The following AGRN variants were observed in gnomAD, a reference collection of about 807,000 sequenced individuals.
AGRN encodes agrin proteoglycan.
Under a neutral mutation model 211.0 loss-of-function variants are expected in AGRN, and 106 were observed. The observed-to-expected ratio is 0.50, with a 90% CI of 0.43 to 0.59. AGRN has a LOEUF of 0.59. Among genes scored for constraint, AGRN ranks in the 20% least tolerant of loss-of-function variants. AGRN has a pLI of 0.00. For synonymous variants in AGRN, 1,525 were observed against 1,332.5 expected (o/e 1.14, Z -3.15); for missense variants, 3,040 against 2,982.6 (o/e 1.02, Z -0.45).
chr1:1,040,423 TGGG>T (rs563976912), intron 3 of AGRN, among the ~76,000 whole-genome samples: 1 of 151,444 alleles, frequency 6.6e-6, no homozygotes, highest in South Asian at 2.1e-4. Context: ...AGGTGCGGGG[TGGG>T]GGAGAAAGGT....
At chr1:1,022,853 C>T (rs1252845623) in intron 2 of AGRN, among the ~76,000 whole-genome samples, 1 of 152,254 alleles carries the variant, frequency 6.6e-6, no homozygotes, top group Non-Finnish European at 1.5e-5. Flanking sequence ...GCGTGTCGAG[C>T]ACTCCTCGCC....
At chr1:1,021,932 G>A (rs1236457044) in intron 1 of AGRN, among the ~76,000 whole-genome samples, 4 of 152,244 alleles carry the variant, frequency 2.6e-5, no homozygotes, top group Non-Finnish European at 5.9e-5. Flanking sequence ...TGATAGGGAC[G>A]TTATTGGAGC....
At chr1:1,050,928 G>A (rs1645267049) in intron 30 of AGRN, 91 bp downstream of exon 30, 2 of 1,536,884 alleles carry the variant, frequency 1.3e-6, no homozygotes, top group Admixed American at 2.0e-5. Context: ...TCACGGAGCT[G>A]TTTTTCTGTC....
chr1:1,048,264 C>G lies in AGRN; in HGVS notation c.4004C>G (p.Ser1335Ter). 2 of 1,535,738 alleles carry G rather than the reference C, an allele frequency of 1.3e-6. No homozygotes were observed. Among genetic ancestry groups the G allele is most frequent in the Non-Finnish European group, 1.8e-6 (2 of 1,137,842 alleles). The change falls in exon 23 of 36, where the codon TCA becomes TGA. Residue 1335 changes from serine (S) to a stop codon, truncating the protein, a stop_gained. Transcript: ENST00000379370. LOFTEE classifies it high-confidence loss of function. The surrounding 1 kb of genome is among the most constrained non-coding windows in gnomAD (Gnocchi z 5.9). ...CAGCAGCCTCCAAAGCCCTGTGACT[C>G]ACAGCCCTGCTTCCACGGGGGGACC... ...APQQPPKPCD[S>*]QPCFHGGTCQ...
chr1:1,051,660 G>A lies in AGRN; in HGVS notation c.5563+15G>A, dbSNP rs1645295776. 5.0e-6 allele frequency: 8 copies of A among 1,612,674 alleles called. No homozygotes were observed. The East Asian group carries it at 8.9e-5, about 18-fold the overall frequency. On this transcript the variant is annotated intron_variant, in intron 32 of 35. Transcript: ENST00000379370. ...CTGCGAGAAGGGTGAGCCTGGCACA[G>A]GGCAGGGGGCGGAGGCCGGATGGGC...
Position 1,049,358 on chromosome 1 carries a change from C to T in AGRN, c.4421C>T (p.Thr1474Ile), listed in dbSNP as rs369766080. Residue 1474 changes from threonine (T) to isoleucine (I), a missense_variant, in exon 25 of 36, where the codon ACC becomes ATC. Around this residue, in one of 3 missense-constraint regions of AGRN, gnomAD observed 1,537 missense variants for 1,505.0 expected, o/e 1.02. Coordinates refer to ENST00000379370, the MANE Select transcript of AGRN (RefSeq NM_198576.4). The stretch of plus-strand genomic sequence containing the variant: ...GGCACCCTCTCGGTGGATGGTGAGA[C>T]CCCTGTTCTGGGCGAGAGTCCCAGT... ...RRGTLSVDGE[T>I]PVLGESPSGT... 2.0e-5 allele frequency: 32 copies of T among 1,598,396 alleles called. No homozygotes were observed. Among genetic ancestry groups the T allele is most frequent in the Non-Finnish European group, 2.5e-5 (30 of 1,179,668 alleles).
At chr1:1,025,333 G>C (rs1244729850) in intron 2 of AGRN, among the ~76,000 whole-genome samples, 1 of 152,286 alleles carries the variant, frequency 6.6e-6, no homozygotes, top group South Asian at 2.1e-4. Flanking sequence ...TGCCTGGCCA[G>C]CTGCCTAGGC....
intron 2 of AGRN, chr1:1,034,698 A>G (rs2100606747): frequency 5.0e-6 from 5 of 993,898 alleles, no homozygotes; most frequent in Non-Finnish European, 6.0e-6. Context: ...CTGTTCCTCA[A>G]CAACTGTAGG....
At chr1:1,036,977 G>A (rs1188651467) in intron 3 of AGRN, among the ~76,000 whole-genome samples, 1 of 152,146 alleles carries the variant, frequency 6.6e-6, no homozygotes, top group East Asian at 1.9e-4. Flanking sequence ...GGCTGGGAGA[G>A]CAGGTAGGTG....
chr1:1,053,734 C>T lies in AGRN; in HGVS notation c.5652-19C>T. 2 of 1,579,524 alleles carry T rather than the reference C, an allele frequency of 1.3e-6. No individual in the cohort carries two copies. The highest frequency in any genetic ancestry group is 1.7e-6 in the Non-Finnish European group (2 of 1,162,956). On this transcript the variant is annotated intron_variant, in intron 33 of 35. Transcript: ENST00000379370. ...GTTGCCACCTTCCTAGAGGCCCTGA[C>T]CTGCCCTCTGCCCTCCAGCGAGAAG... is the stretch of plus-strand genomic sequence containing the variant.
intron 19 of AGRN, 42 bp downstream of exon 19, chr1:1,046,999 G>GGC: frequency 1.3e-6 from 2 of 1,556,122 alleles, no homozygotes; most frequent in Non-Finnish European, 1.7e-6. Flanking sequence ...GGATAGCCTG[G>GGC]GCTCGGCCGA....
At position 1,046,523 on chromosome 1, in the gene AGRN, A is replaced by G. The variant is rs775361353; in HGVS notation, c.3038A>G (p.His1013Arg). Residue 1013 changes from histidine to arginine, a missense_variant, in exon 18 of 36, where the codon CAC becomes CGC. By Grantham distance (29) the His-to-Arg change is conservative (BLOSUM62 0). Transcript: ENST00000379370. ...CCCCTGGCTCCCAGCAGTACCGCAC[A>G]CAGCCAGACCACCCCTCCGCCCTCA... ...ALPLAPSSTA[H>R]SQTTPPPSSR... 6.2e-7 allele frequency: 1 copy of G among 1,608,328 alleles called. No individual in the cohort carries two copies. The highest frequency in any genetic ancestry group is 1.1e-5 in the South Asian group (1 of 90,914).
intron 2 of AGRN, among the ~76,000 whole-genome samples, chr1:1,033,168 T>A (rs1367017731): frequency 6.6e-6 from 1 of 151,982 alleles, no homozygotes; most frequent in Non-Finnish European, 1.5e-5. Flanking sequence ...GGGGCTCATT[T>A]GCATGACCCC....
rs1487757970 is a variant in AGRN, at chr1:1,034,880, T to C, written c.464-397T>C. 7 of 364,814 alleles carry C rather than the reference T, an allele frequency of 1.9e-5. No individual in the cohort carries two copies. In the South Asian group the frequency reaches 2.4e-4, roughly 12 times the overall value. 22.6% of individuals were successfully genotyped at this position (364,814 alleles called of 1,614,324 possible). On this transcript the variant is annotated intron_variant, in intron 2 of 35. Transcript: ENST00000379370. ...GCCGTCCTTGGGCTCTCAGTGGGCC[T>C]GGCCCTCACCCAAAGCTGCAGAAAC...
rs931070445 is a variant in AGRN at position 1,046,166 on chromosome 1, G to A, written c.2812G>A (p.Gly938Arg). The A allele has an allele frequency of 2.5e-6, 4 of 1,613,790 alleles. No homozygotes were observed. The Admixed American group carries it at 6.7e-5, about 27-fold the overall frequency. The change falls in exon 17 of 36, where the codon GGG becomes AGG. Residue 938 changes from glycine (G) to arginine (R), a missense_variant. Gly to Arg is a moderately radical substitution (Grantham distance 125, BLOSUM62 -2). Around this residue, in one of 3 missense-constraint regions of AGRN, gnomAD observed 1,498 missense variants for 1,457.8 expected, o/e 1.03. Coordinates refer to ENST00000379370, the MANE Select transcript of AGRN (RefSeq NM_198576.4). ...TCCTTGTTCTCTGCCCCAGGTCTGT[G>A]GGTCAGATGGAGTCACATACGGCAA... ...CPEANATKVC[G>R]SDGVTYGNEC...
At chr1:1,046,361 C>T (rs778189872) in intron 17 of AGRN, 36 bp from the exon 18 acceptor site, 3 of 1,603,306 alleles carry the variant, frequency 1.9e-6, no homozygotes, top group Non-Finnish European at 2.6e-6. Context: ...GACCCTGTCC[C>T]AACCGGTCCC....
In AGRN at chr1:1,032,637, A is replaced by AC. The variant is rs199896438; in HGVS notation, c.464-2638dup. Among the ~76,000 whole-genome samples, 1,674 of 152,078 alleles carry AC rather than the reference A, an allele frequency of 0.011. 30 individuals carry two copies. Among genetic ancestry groups the AC allele is most frequent in the African/African-American group, 0.038 (1,573 of 41,476 alleles). ...AGCTGTCGTCTGCAGAGTGGGTGAGACCGAGTGTGGCAGATGGCTTGGTCC... is the reference window on the plus strand; with the variant it reads ...AGCTGTCGTCTGCAGAGTGGGTGAGACCCGAGTGTGGCAGATGGCTTGGTCC... On this transcript the variant is annotated intron_variant, in intron 2 of 35. Transcript: ENST00000379370. This position sits in a 1 kb window ranked among gnomAD's most constrained non-coding sequence, Gnocchi z 4.7.
At position 1,041,660 on chromosome 1, in the gene AGRN, C is replaced by T; in HGVS notation, c.1135C>T (p.Leu379Phe). ...VMGRSGAARG[L>F]LLQKVRSGQC... ...GGGCCGATCGGGGGCCGCCCGGGGT[C>T]TCCTCCTGCAGAAAGTGCGCTCCGG... Residue 379 changes from leucine (L) to phenylalanine (F), a missense_variant, in exon 6 of 36, where the codon CTC becomes TTC. Physicochemically the swap from Leu to Phe is conservative, Grantham distance 22. Transcript: ENST00000379370. 1.9e-6 allele frequency: 3 copies of T among 1,611,082 alleles called. No homozygotes were observed. The highest frequency in any genetic ancestry group is 2.5e-6 in the Non-Finnish European group (3 of 1,179,148).
In AGRN at chr1:1,050,796, C is replaced by T. The variant is rs774524800; in HGVS notation, c.5212C>T (p.Leu1738=). ...SLERNGRKGA[L]RVGDGPRVLG... ...GGAGCGAAACGGCCGCAAGGGTGCC[C>T]TGCGTGTGGGCGACGGCCCCCGTGT... Residue 1738 remains leucine, a synonymous_variant, in exon 30 of 36, where the codon CTG becomes TTG. Transcript: ENST00000379370. The T allele has an allele frequency of 6.3e-7, 1 of 1,599,120 alleles. No individual in the cohort carries two copies. The highest frequency in any genetic ancestry group is 1.7e-5 in the Admixed American group (1 of 58,852).
Sources: allele counts gnomAD v4.1 joint callset (sites outside exome capture counted in the v4.1 genomes callset), GRCh38; gene constraint gnomAD v4.1.1; regional missense constraint gnomAD v4.1.1; non-coding constraint Gnocchi (gnomAD v3.1); transcripts MANE v1.5; gene names NCBI Gene and HGNC (gene_info 2026-07-23, HGNC 2026-07-21).